Variants in PBRM1 observed in about 807,000 individuals in gnomAD.
PBRM1 encodes the protein polybromo 1.
In PBRM1, 27 loss-of-function variants were observed where a neutral mutation model predicts 194.5. That is an observed-to-expected ratio of 0.14 (90% CI 0.10 to 0.19). The LOEUF (loss-of-function observed/expected upper bound fraction) is 0.19. PBRM1 is among the 10% of genes least tolerant of loss of function. The probability of loss-of-function intolerance (pLI) is 1.00; values close to 1 mark genes in which losing one functional copy is unlikely to be tolerated. For synonymous variants in PBRM1, 655 were observed against 693.2 expected (o/e 0.94, Z 0.87); for missense variants, 1,466 against 2,077.2 (o/e 0.71, Z 5.72).
chr3:52,661,579 T>G (rs1560909510), intron 4 of PBRM1, among the ~76,000 whole-genome samples: 1 of 151,774 alleles, frequency 6.6e-6, no homozygotes, highest in Non-Finnish European at 1.5e-5. Context: ...GGAGATAGGG[T>G]GGTCAGGAAA....
upstream of PBRM1, among the ~76,000 whole-genome samples, chr3:52,682,875 C>A (rs891042546): frequency 6.6e-6 from 1 of 152,044 alleles, no homozygotes; most frequent in Non-Finnish European, 1.5e-5. Context: ...GACTGGCCAA[C>A]GTGGTGAAAC....
exon 24 of PBRM1, chr3:52,563,384 T>C: frequency 6.2e-7 from 1 of 1,613,916 alleles, no homozygotes; most frequent in South Asian, 1.1e-5. Context: ...TCTTCTCCCA[T>C]CTCTTCAATA....
chr3:52,634,669 G>A (rs1194904129), exon 11 of PBRM1: 1 of 1,613,514 alleles, frequency 6.2e-7, no homozygotes, highest in Non-Finnish European at 8.5e-7. Flanking sequence ...TTCTTTGAAG[G>A]CAAATGGTAA....
chr3:52,582,228 C>T lies in PBRM1; in HGVS notation c.3388-3029G>A, dbSNP rs2091408846. ...CTGCACTCCAGCCTGGGCGACAGAG[C>T]GAGACTCCGTTTCAAAAAAAAAAAA... is the stretch of plus-strand genomic sequence containing the variant. On this transcript the variant is annotated intron_variant, in intron 20 of 29. Coordinates refer to ENST00000296302, the Ensembl canonical transcript of PBRM1. Among the ~76,000 whole-genome samples, 3 of 117,992 alleles carry T rather than the reference C, an allele frequency of 2.5e-5. No individual in the cohort carries two copies. In the South Asian group the frequency reaches 8.2e-4, roughly 32 times the overall value. 77.4% of individuals were successfully genotyped at this position (117,992 alleles called of 152,430 possible).
Position 52,609,242 on chromosome 3 carries a change from G to C in PBRM1, c.2567+71C>G, listed in dbSNP as rs1333854699. On this transcript the variant is annotated intron_variant, in intron 16 of 29. Transcript: ENST00000296302. This position sits in a 1 kb window ranked among gnomAD's most constrained non-coding sequence, Gnocchi z 4.1. ...ATGTAAGTGGAAATAGTACATCAAA[G>C]CAATATTCTTTCATCTGTTTTGTAT... The C allele has an allele frequency of 8.4e-7, 1 of 1,193,018 alleles. No individual in the cohort carries two copies. The highest frequency in any genetic ancestry group is 1.2e-6 in the Non-Finnish European group (1 of 831,050). The allele number at this position is 1,193,018 out of a possible 1,614,324, so 73.9% of individuals were successfully genotyped here.
intron 2 of PBRM1, among the ~76,000 whole-genome samples, chr3:52,673,692 A>G (rs1042406475): frequency 2.1e-5 from 3 of 142,496 alleles, no homozygotes; most frequent in Admixed American, 2.1e-4. Flanking sequence ...AAAAAAAAAA[A>G]GCTTCTTTCT....
intron 10 of PBRM1, among the ~76,000 whole-genome samples, chr3:52,635,974 C>T (rs1363396918): frequency 6.6e-6 from 1 of 152,180 alleles, no homozygotes; most frequent in East Asian, 1.9e-4. Flanking sequence ...AATGATTCTC[C>T]TGCCTCAGCC....
At chr3:52,561,706 C>A in intron 25 of PBRM1, 61 bp downstream of exon 27, 2 of 1,378,720 alleles carry the variant, frequency 1.5e-6, no homozygotes, top group Non-Finnish European at 2.1e-6. Context: ...CCTGTCTGTG[C>A]GCGTGCATTC....
At chr3:52,670,356 T>C (rs776564322) in intron 2 of PBRM1, among the ~76,000 whole-genome samples, 1 of 152,188 alleles carries the variant, frequency 6.6e-6, no homozygotes, top group Non-Finnish European at 1.5e-5. Flanking sequence ...AAATCAAACA[T>C]ACAGAAAACC....
upstream of PBRM1, among the ~76,000 whole-genome samples, chr3:52,679,978 A>C (rs757338628): frequency 3.3e-5 from 5 of 152,122 alleles, no homozygotes; most frequent in Non-Finnish European, 7.3e-5. Flanking sequence ...GTATATCAGC[A>C]ATCTTGAATG....
At chr3:52,586,565 C>G (rs772833716) in exon 20 of PBRM1, 1 of 1,614,060 alleles carries the variant, frequency 6.2e-7, no homozygotes, top group South Asian at 1.1e-5. Flanking sequence ...ACAAACCTGA[C>G]TGAGCTGATG....
chr3:52,596,415 C>T (rs1364521543), intron 17 of PBRM1, among the ~76,000 whole-genome samples: 12 of 110,172 alleles, frequency 1.1e-4, no homozygotes, highest in Admixed American at 9.5e-4. Flanking sequence ...TCCAGCCTGG[C>T]GACAGAGTGA....
chr3:52,592,125 T>G (rs1417705633), intron 17 of PBRM1, among the ~76,000 whole-genome samples: 1 of 145,988 alleles, frequency 6.8e-6, no homozygotes. Context: ...GCACCAGGTT[T>G]TTTTTTTTTT....
upstream of PBRM1, among the ~76,000 whole-genome samples, chr3:52,684,327 T>A (rs889606430): frequency 1.4e-4 from 22 of 152,164 alleles, no homozygotes; most frequent in African/African-American, 5.3e-4. Context: ...CAATAATTTA[T>A]AGTGGACAGT....
At chr3:52,547,992 C>T in exon 30 of PBRM1, 1 of 1,317,010 alleles carries the variant, frequency 7.6e-7, no homozygotes, top group Non-Finnish European at 1.1e-6. Context: ...TTCCCCCCAC[C>T]CCCAGTAACT....
upstream of PBRM1, chr3:52,681,173 G>A (rs1311718881): frequency 6.6e-6 from 1 of 151,634 alleles, no homozygotes; most frequent in Non-Finnish European, 1.5e-5. Flanking sequence ...GCAGCTGAAT[G>A]ATTAGAACAG....
chr3:52,614,975 G>A (rs866842662), intron 15 of PBRM1, among the ~76,000 whole-genome samples: 1 of 152,186 alleles, frequency 6.6e-6, no homozygotes, highest in Non-Finnish European at 1.5e-5. Context: ...ATTCTGTCCA[G>A]TTGGAACTGC....
At chr3:52,647,457 A>AT (rs1457136043) in intron 7 of PBRM1, among the ~76,000 whole-genome samples, 7 of 47,868 alleles carry the variant, frequency 1.5e-4, no homozygotes, top group Non-Finnish European at 1.7e-4. Context: ...AAAAAAAAAA[A>AT]ATATATATAT....
downstream of PBRM1, chr3:52,545,912 C>T (rs1434273455): frequency 4.3e-6 from 1 of 232,614 alleles, no homozygotes; most frequent in Non-Finnish European, 8.5e-6. Context: ...TTAACGATAT[C>T]CCCCAAGTTA....
Sources: allele counts gnomAD v4.1 joint callset (sites outside exome capture counted in the v4.1 genomes callset), GRCh38; gene constraint gnomAD v4.1.1; non-coding constraint Gnocchi (gnomAD v3.1); transcripts MANE v1.5; gene names NCBI Gene and HGNC (gene_info 2026-07-23, HGNC 2026-07-21).